DYNC2H1: variants seen among roughly 807,000 people sequenced by gnomAD.
DYNC2H1 encodes cytoplasmic dynein 2 heavy chain 1.
Under a neutral mutation model 570.0 loss-of-function variants are expected in DYNC2H1, and 410 were observed. The ratio of observed to expected loss-of-function variants is 0.72; its 90% CI spans 0.66 to 0.78. DYNC2H1 has a LOEUF of 0.78. Among genes scored for constraint, DYNC2H1 ranks in the 30% least tolerant of loss-of-function variants. The probability of loss-of-function intolerance (pLI) is 0.00; values close to 1 mark genes in which losing one functional copy is unlikely to be tolerated. For missense variants in DYNC2H1, 4,865 were observed against 5,046.4 expected, an observed-to-expected ratio of 0.96 and a Z score of 1.09; for synonymous variants, 1,688 against 1,677.6, an observed-to-expected ratio of 1.01 and a Z score of -0.15.
In DYNC2H1 at chr11:103,181,965, G is replaced by A. The variant is rs572715062; in HGVS notation, c.6477+79G>A. ...GTGATGCTTATTTTAACTTCCTTGT[G>A]GTAGAACTCTGCTGGAATGTGGGTG... is the stretch of plus-strand genomic sequence containing the variant. On this transcript the variant is annotated intron_variant, in intron 40 of 88. Transcript: ENST00000375735. This position sits in a 1 kb window ranked among gnomAD's most constrained non-coding sequence, Gnocchi z 5.0. 6 of 1,476,296 alleles carry A rather than the reference G, an allele frequency of 4.1e-6. 1 individual carries two copies. In the African/African-American group the frequency reaches 8.4e-5, roughly 21 times the overall value. The allele number at this position is 1,476,296 out of a possible 1,614,324, so 91.4% of individuals were successfully genotyped here. A position where few individuals can be genotyped will look rare whatever the true frequency, so the allele number is the denominator to read the frequency against.
intron 81 of DYNC2H1, among the ~76,000 whole-genome samples, chr11:103,321,850 G>A (rs1938220848): frequency 6.6e-6 from 1 of 151,998 alleles, no homozygotes; most frequent in South Asian, 2.1e-4. Context: ...ACCTATCTGT[G>A]TATAAGTGTG....
Position 103,398,095 on chromosome 11 carries a change from G to T in DYNC2H1, c.12157-1568G>T, listed in dbSNP as rs556823586. ...AACTAAATTAGTACTTGTTAATCTT[G>T]CTTGGTATATGATTGATAAATATTT... On this transcript the variant is annotated intron_variant, in intron 83 of 88. Transcript: ENST00000375735. 5.3e-5 allele frequency among the ~76,000 whole-genome samples: 8 copies of T among 152,132 alleles called. No homozygotes were observed. The East Asian group carries it at 1.5e-3, about 29-fold the overall frequency.
Position 103,154,548 on chromosome 11 carries a change from T to C in DYNC2H1, c.3400T>C (p.Tyr1134His). Residue 1134 changes from tyrosine (Y) to histidine (H), a missense_variant, in exon 23 of 89, where the codon TAT becomes CAT. This residue lies in a region of DYNC2H1 where 1,936 missense variants were observed against 1,962.1 expected (regional missense o/e 0.99). Transcript: ENST00000375735. ...IESCAQIWAF[Y>H]EEFQQGFQEM... ...GAGCTGTGCCCAAATTTGGGCCTTT[T>C]ATGAAGAGTTTCAACAAGGATTTCA... The C allele has an allele frequency of 2.5e-6, 4 of 1,597,034 alleles. No homozygotes were observed. The highest frequency in any genetic ancestry group is 2.6e-6 in the Non-Finnish European group (3 of 1,171,864).
chr11:103,457,338 C>T (rs1944821241), intron 87 of DYNC2H1, among the ~76,000 whole-genome samples: 1 of 152,040 alleles, frequency 6.6e-6, no homozygotes, highest in Non-Finnish European at 1.5e-5. Flanking sequence ...CAGGCAGGTC[C>T]TTCAGGAGGT....
chr11:103,283,137 G>A, intron 73 of DYNC2H1, 52 bp downstream of exon 73: 1 of 1,408,260 alleles, frequency 7.1e-7, no homozygotes, highest in Non-Finnish European at 9.9e-7. Flanking sequence ...TATTTGCATT[G>A]TTTCTGTTGA....
Position 103,236,421 on chromosome 11 carries a change from A to G in DYNC2H1, c.9710-9A>G. 6.6e-7 allele frequency: 1 copy of G among 1,516,944 alleles called. No individual in the cohort carries two copies. Among genetic ancestry groups the G allele is most frequent in the South Asian group, 1.1e-5 (1 of 88,756 alleles). 94.0% of individuals were successfully genotyped at this position (1,516,944 alleles called of 1,614,324 possible). A position where few individuals can be genotyped will look rare whatever the true frequency, so the allele number is the denominator to read the frequency against. The stretch of plus-strand genomic sequence containing the variant: ...TTGTGAAGTATTATCAATATCTTCA[A>G]CTTTTCAGAATTTGATCTGAGGAGA... On this transcript the variant is annotated splice_polypyrimidine_tract_variant and intron_variant, in intron 62 of 88. Coordinates refer to ENST00000375735, the MANE Select transcript of DYNC2H1 (RefSeq NM_001377.3).
chr11:103,283,529 A>C (rs1866228164), intron 73 of DYNC2H1, among the ~76,000 whole-genome samples: 1 of 152,188 alleles, frequency 6.6e-6, no homozygotes, highest in African/African-American at 2.4e-5. Context: ...TTGTATCATT[A>C]TAACAGCACC....
chr11:103,132,601 T>C (rs887479051), intron 13 of DYNC2H1, among the ~76,000 whole-genome samples: 1 of 151,968 alleles, frequency 6.6e-6, no homozygotes, highest in African/African-American at 2.4e-5. Context: ...CTGTATAATA[T>C]TTAATTTTTA....
intron 65 of DYNC2H1, among the ~76,000 whole-genome samples, chr11:103,250,129 G>C (rs964187101): frequency 1.3e-5 from 2 of 151,762 alleles, no homozygotes; most frequent in Admixed American, 1.3e-4. Context: ...TTGTGTGTCT[G>C]TCAGCTTTGG....
rs938252686 is a variant in DYNC2H1 at position 103,470,985 on chromosome 11, C to T, written c.12765+2280C>T. Among the ~76,000 whole-genome samples the T allele has an allele frequency of 5.3e-5, 8 of 152,154 alleles. No individual in the cohort carries two copies. The East Asian group carries it at 7.7e-4, about 15-fold the overall frequency. On this transcript the variant is annotated intron_variant, in intron 88 of 88. Coordinates refer to ENST00000375735, the MANE Select transcript of DYNC2H1 (RefSeq NM_001377.3). ...TTCTAGTTCTAGATCCCTGAGGAAT[C>T]GCCACACTGACTTCCACAATGGTTG...
intron 54 of DYNC2H1, 31 bp downstream of exon 54, chr11:103,211,974 T>A: frequency 2.7e-6 from 4 of 1,487,808 alleles, no homozygotes; most frequent in Non-Finnish European, 3.6e-6. Flanking sequence ...AATTATTTTA[T>A]CTATATATAG....
In DYNC2H1 at chr11:103,134,075, A is replaced by C. The variant is rs116648082; in HGVS notation, c.2107-246A>C. 8.9e-3 allele frequency among the ~76,000 whole-genome samples: 1,347 copies of C among 152,116 alleles called. 12 individuals carry two copies. The highest frequency in any genetic ancestry group is 0.03 in the African/African-American group (1,253 of 41,512). ...TGAGTACTGATCAGTTATTTTGTAGAATCTCTCTTGATTTGGGTTTATATG... is the reference window on the plus strand; with the variant it reads ...TGAGTACTGATCAGTTATTTTGTAGCATCTCTCTTGATTTGGGTTTATATG... On this transcript the variant is annotated intron_variant, in intron 14 of 88. Transcript: ENST00000375735.
chr11:103,408,452 G>C (rs916625394), intron 84 of DYNC2H1: 20 of 152,046 alleles, frequency 1.3e-4, no homozygotes, highest in African/African-American at 4.8e-4. Flanking sequence ...CTTAAACCCT[G>C]TTCTCGGGTT....
Position 103,388,183 on chromosome 11 carries a change from C to G in DYNC2H1, c.12157-11480C>G, listed in dbSNP as rs533398228. 1.5e-3 allele frequency among the ~76,000 whole-genome samples: 231 copies of G among 151,620 alleles called. 1 individual carries two copies. Among genetic ancestry groups the G allele is most frequent in the Admixed American group, 4.2e-3 (63 of 15,152 alleles). ...TTGTATCCTCTTTTATTTCCTTGAG[C>G]AGTGGTTTGTAGTTCTCCTTGAAGA... On this transcript the variant is annotated intron_variant, in intron 83 of 88. Coordinates refer to ENST00000375735, the MANE Select transcript of DYNC2H1 (RefSeq NM_001377.3).
chr11:103,154,563 C>T lies in DYNC2H1; in HGVS notation c.3415C>T (p.Gln1139Ter), dbSNP rs182269382. 1.2e-6 allele frequency: 2 copies of T among 1,601,998 alleles called. No individual in the cohort carries two copies. Among genetic ancestry groups the T allele is most frequent in the African/African-American group, 1.3e-5 (1 of 74,774 alleles). The part of the protein sequence containing the change: ...QIWAFYEEFQ[Q>*]GFQEMANEDW... ...TTGGGCCTTTTATGAAGAGTTTCAACAAGGATTTCAGGAAATGGCCAATGA... is the reference window on the plus strand; with the variant it reads ...TTGGGCCTTTTATGAAGAGTTTCAATAAGGATTTCAGGAAATGGCCAATGA... The change falls in exon 23 of 89, where the codon CAA becomes TAA. Residue 1139 changes from glutamine (Q) to a stop codon, truncating the protein, a stop_gained. Coordinates refer to ENST00000375735, the MANE Select transcript of DYNC2H1 (RefSeq NM_001377.3). LOFTEE classifies it high-confidence loss of function.
At chr11:103,422,544 T>A (rs11225789) in intron 84 of DYNC2H1, among the ~76,000 whole-genome samples, 4,614 of 152,150 alleles carry the variant, frequency 0.03, 230 homozygotes, top group African/African-American at 0.11. Context: ...CATATGCGAA[T>A]CAATAGATGT....
chr11:103,478,456 A>G (rs531727909), intron 88 of DYNC2H1, among the ~76,000 whole-genome samples: 1 of 152,208 alleles, frequency 6.6e-6, no homozygotes, highest in Non-Finnish European at 1.5e-5. Context: ...TGATGGAAAC[A>G]TCTAGTACCA....
chr11:103,309,687 A>G (rs1211308346), intron 78 of DYNC2H1, among the ~76,000 whole-genome samples: 2 of 152,144 alleles, frequency 1.3e-5, no homozygotes, highest in Non-Finnish European at 2.9e-5. Flanking sequence ...CAATCCCACT[A>G]TACAATTCTA....
chr11:103,428,624 A>G (rs1318150088), intron 84 of DYNC2H1, among the ~76,000 whole-genome samples: 2 of 152,122 alleles, frequency 1.3e-5, no homozygotes, highest in Non-Finnish European at 2.9e-5. Flanking sequence ...CTGTCCTATT[A>G]AACAACAGCT....
Sources: gnomAD v4.1 joint callset for allele counts (sites outside exome capture counted in the v4.1 genomes callset) on GRCh38, gnomAD v4.1.1 for gene constraint, gnomAD v4.1.1 regional missense constraint, Gnocchi (gnomAD v3.1) non-coding constraint, MANE v1.5 for transcripts, NCBI Gene and HGNC (gene_info 2026-07-23, HGNC 2026-07-21) for gene names.